Variants in CABLES1 observed in about 807,000 individuals in gnomAD.
CABLES1 encodes CDK5 and ABL1 enzyme substrate 1.
A neutral mutation model predicts 57.8 loss-of-function variants in CABLES1; 36 were observed. That is an observed-to-expected ratio of 0.62 (90% CI 0.48 to 0.82). The LOEUF (loss-of-function observed/expected upper bound fraction) is 0.82. Among genes scored for constraint, CABLES1 ranks in the 40% least tolerant of loss-of-function variants. The pLI is 0.00. For missense variants in CABLES1, 767 were observed against 836.6 expected, an observed-to-expected ratio of 0.92 and a Z score of 1.03; for synonymous variants, 374 against 363.0, an observed-to-expected ratio of 1.03 and a Z score of -0.35.
At chr18:23,230,695 TA>T (rs548029431) in intron 4 of CABLES1, among the ~76,000 whole-genome samples, 5 of 152,304 alleles carry the variant, frequency 3.3e-5, no homozygotes, top group African/African-American at 9.6e-5. Flanking sequence ...ATCTACTTAA[TA>T]TGAACTGTAA....
chr18:23,160,278 C>G (rs565748961), intron 1 of CABLES1, among the ~76,000 whole-genome samples: 157 of 152,264 alleles, frequency 1.0e-3, no homozygotes, highest in African/African-American at 3.7e-3. Context: ...ATCTGCCCAC[C>G]TCAGCCTCCC....
intron 4 of CABLES1, among the ~76,000 whole-genome samples, chr18:23,233,914 T>A (rs1462983990): frequency 6.6e-6 from 1 of 152,072 alleles, no homozygotes; most frequent in African/African-American, 2.4e-5. Flanking sequence ...GGTGGTCTCA[T>A]GCAGCATTAG....
chr18:23,147,873 G>C (rs962136439), intron 1 of CABLES1, among the ~76,000 whole-genome samples: 1 of 152,098 alleles, frequency 6.6e-6, no homozygotes, highest in African/African-American at 2.4e-5. Context: ...GGCACATGCT[G>C]GGGGAGGGCT....
Position 23,194,499 on chromosome 18 carries a change from T to C in CABLES1, c.969T>C (p.His323=), listed in dbSNP as rs761946158. The change falls in exon 3 of 10, where the codon CAT becomes CAC. Residue 323 remains histidine, a synonymous_variant. Coordinates refer to ENST00000256925, the MANE Select transcript of CABLES1 (RefSeq NM_001100619.3). The part of the protein sequence containing the change: ...SPRPKNFKKI[H]FIKNMRQHDT... ...GACCAAAGAATTTTAAGAAGATTCA[T>C]TTTATCAAGAACATGCGGCAACACG... 1 of 1,613,668 alleles carries C rather than the reference T, an allele frequency of 6.2e-7. No individual in the cohort carries two copies. Among genetic ancestry groups the C allele is most frequent in the Admixed American group, 1.7e-5 (1 of 60,022 alleles).
chr18:23,147,189 G>T (rs958868325), intron 1 of CABLES1, among the ~76,000 whole-genome samples: 1 of 152,238 alleles, frequency 6.6e-6, no homozygotes, highest in South Asian at 2.1e-4. Context: ...AGTTCCTCCC[G>T]CAGGGAGTAA....
chr18:23,256,590 C>T (rs2048172924), intron 9 of CABLES1, among the ~76,000 whole-genome samples: 1 of 152,188 alleles, frequency 6.6e-6, no homozygotes, highest in Non-Finnish European at 1.5e-5. Context: ...AAGTGAGTCT[C>T]CTGCTTCAAC....
intron 4 of CABLES1, among the ~76,000 whole-genome samples, chr18:23,230,551 G>T: frequency 6.6e-6 from 1 of 152,172 alleles, no homozygotes; most frequent in East Asian, 1.9e-4. Flanking sequence ...GAGGAAAAGC[G>T]TGGAAAAGTT....
chr18:23,225,470 G>A (rs750862280), intron 4 of CABLES1, among the ~76,000 whole-genome samples: 17 of 150,918 alleles, frequency 1.1e-4, no homozygotes, highest in Non-Finnish European at 1.9e-4. Context: ...TTTATGGAAC[G>A]TGAGGAGACC....
At chr18:23,215,900 C>T (rs899907829) in intron 4 of CABLES1, among the ~76,000 whole-genome samples, 1 of 152,048 alleles carries the variant, frequency 6.6e-6, no homozygotes, top group Admixed American at 6.5e-5. Flanking sequence ...ACTGCAGGCG[C>T]CTGCCACCAT....
chr18:23,155,847 T>C (rs755626165), intron 1 of CABLES1: 23 of 1,612,320 alleles, frequency 1.4e-5, no homozygotes, highest in Non-Finnish European at 2.0e-5. Flanking sequence ...TCCTGGTGTT[T>C]GAATGACTCA....
chr18:23,257,407 C>T lies in CABLES1; in HGVS notation c.*40C>T, dbSNP rs755143948. The T allele has an allele frequency of 6.5e-7, 1 of 1,545,456 alleles. No homozygotes were observed. The highest frequency in any genetic ancestry group is 2.3e-5 in the East Asian group (1 of 42,620). On this transcript the variant is annotated 3_prime_UTR_variant, in exon 10 of 10. Coordinates refer to ENST00000256925, the MANE Select transcript of CABLES1 (RefSeq NM_001100619.3). Reference sequence around the variant, plus strand: ...ACAGCCAAGGGCCATTTCTTCTCAGCTTGGTGGAGCAGCACTTACTTACTA... The same window carrying T: ...ACAGCCAAGGGCCATTTCTTCTCAGTTTGGTGGAGCAGCACTTACTTACTA...
chr18:23,210,720 C>A (rs964735010), intron 3 of CABLES1, among the ~76,000 whole-genome samples: 12 of 152,150 alleles, frequency 7.9e-5, no homozygotes, highest in African/African-American at 2.7e-4. Context: ...CGCCTGCAGT[C>A]CCTCCCAGAT....
At chr18:23,239,146 G>A (rs2047674730) in intron 7 of CABLES1, among the ~76,000 whole-genome samples, 1 of 152,206 alleles carries the variant, frequency 6.6e-6, no homozygotes, top group Non-Finnish European at 1.5e-5. Context: ...ATGTGTGTAT[G>A]TGCGTGTGCA....
intron 1 of CABLES1, among the ~76,000 whole-genome samples, chr18:23,163,444 G>A (rs567204127): frequency 2.0e-4 from 30 of 152,264 alleles, no homozygotes; most frequent in Non-Finnish European, 2.9e-4. Context: ...AGGGTCTTCC[G>A]TATCGAGAGG....
At chr18:23,167,910 G>A (rs7244739) in intron 1 of CABLES1, among the ~76,000 whole-genome samples, 111,526 of 152,204 alleles carry the variant, frequency 0.73, 41,535 homozygotes, top group South Asian at 0.82. Context: ...CGCGCCCTTC[G>A]GTTCATGCAC....
At chr18:23,185,539 T>A (rs1310754248) in intron 1 of CABLES1, among the ~76,000 whole-genome samples, 1 of 152,114 alleles carries the variant, frequency 6.6e-6, no homozygotes, top group Non-Finnish European at 1.5e-5. Context: ...CTGTCTGGGC[T>A]CTGGGCTCTG....
At chr18:23,222,703 C>T in intron 4 of CABLES1, among the ~76,000 whole-genome samples, 1 of 152,060 alleles carries the variant, frequency 6.6e-6, no homozygotes, top group East Asian at 1.9e-4. Flanking sequence ...TCTCAGGGTC[C>T]CTCAGCCTGG....
intron 3 of CABLES1, among the ~76,000 whole-genome samples, chr18:23,212,558 C>T (rs969854473): frequency 1.3e-5 from 2 of 152,122 alleles, no homozygotes; most frequent in African/African-American, 4.8e-5. Flanking sequence ...GCAGCCCTGC[C>T]CTCCCATGAC....
chr18:23,227,948 G>A (rs957489325), intron 4 of CABLES1, among the ~76,000 whole-genome samples: 1 of 152,172 alleles, frequency 6.6e-6, no homozygotes, highest in African/African-American at 2.4e-5. Context: ...GCTCCTGGCA[G>A]GTGTTCCAAG....
Sources: gnomAD v4.1 joint callset for allele counts (sites outside exome capture counted in the v4.1 genomes callset) on GRCh38, gnomAD v4.1.1 for gene constraint, MANE v1.5 for transcripts, NCBI Gene and HGNC (gene_info 2026-07-23, HGNC 2026-07-21) for gene names.